The following LSAMP variants were observed in gnomAD, a reference collection of about 807,000 sequenced individuals.
LSAMP encodes the protein limbic system associated membrane protein.
Under a neutral mutation model 38.6 loss-of-function variants are expected in LSAMP, and 7 were observed. The ratio of observed to expected loss-of-function variants is 0.18; its 90% CI spans 0.10 to 0.34. The LOEUF is 0.34. Ranked by LOEUF, LSAMP falls within the 10% of genes least tolerant of loss-of-function variation. LSAMP has a pLI of 1.00. For synonymous variants in LSAMP, 154 were observed against 166.8 expected (o/e 0.92, Z 0.59); for missense variants, 313 against 420.0 (o/e 0.75, Z 2.23).
At chr3:116,401,739 T>C (rs1450857752) in intron 1 of LSAMP, among the ~76,000 whole-genome samples, 1 of 152,244 alleles carries the variant, frequency 6.6e-6, no homozygotes, top group African/African-American at 2.4e-5. Context: ...ATTAGTTCAC[T>C]ATTCATAGAG....
Position 116,354,839 on chromosome 3 carries a change from GTA to G in LSAMP, c.155+90036_155+90037del, listed in dbSNP as rs556504806. ...AAGCTCTCTGTCTCTCTCTCTGGGTGTATATATGTGTGTGTGTGTGTGTGTGT... is the reference window on the plus strand; with the variant it reads ...AAGCTCTCTGTCTCTCTCTCTGGGTGTATATGTGTGTGTGTGTGTGTGTGT... On this transcript the variant is annotated intron_variant, in intron 1 of 6. Transcript: ENST00000490035. 1.2e-3 allele frequency among the ~76,000 whole-genome samples: 136 copies of G among 115,006 alleles called. 3 individuals carry two copies. In the South Asian group the frequency reaches 0.043, roughly 36 times the overall value. The allele number at this position is 115,006 out of a possible 152,430, so 75.4% of individuals were successfully genotyped here.
intron 4 of LSAMP, among the ~76,000 whole-genome samples, chr3:115,845,185 C>T (rs1185661690): frequency 6.6e-6 from 1 of 152,134 alleles, no homozygotes; most frequent in African/African-American, 2.4e-5. Flanking sequence ...AGTAAGACGA[C>T]CAGCAGTAGA....
At chr3:116,234,681 A>G (rs2046444131) in intron 1 of LSAMP, among the ~76,000 whole-genome samples, 1 of 152,156 alleles carries the variant, frequency 6.6e-6, no homozygotes, top group Admixed American at 6.5e-5. Flanking sequence ...CCTCTAAAAA[A>G]TGAAATGCAT....
intron 1 of LSAMP, among the ~76,000 whole-genome samples, chr3:116,320,074 C>T (rs1287795591): frequency 3.3e-5 from 5 of 152,078 alleles, no homozygotes. Context: ...GGTAAATGTA[C>T]AAGAAAACTG....
intron 1 of LSAMP, among the ~76,000 whole-genome samples, chr3:116,309,105 G>A (rs2047522999): frequency 6.6e-6 from 1 of 152,056 alleles, no homozygotes; most frequent in Non-Finnish European, 1.5e-5. Context: ...AAATGGGAAT[G>A]TGATTCACAT....
intron 1 of LSAMP, among the ~76,000 whole-genome samples, chr3:116,397,166 C>G (rs1321734240): frequency 1.3e-5 from 2 of 152,130 alleles, no homozygotes; most frequent in Admixed American, 1.3e-4. Flanking sequence ...GTGTTAAAGT[C>G]CTAACAGTAA....
At chr3:116,423,300 C>T (rs1210117070) in intron 1 of LSAMP, among the ~76,000 whole-genome samples, 1 of 152,300 alleles carries the variant, frequency 6.6e-6, no homozygotes, top group Non-Finnish European at 1.5e-5. Context: ...GATCAGGCAT[C>T]TGAGACTTTT....
chr3:116,331,023 A>T (rs1021014617), intron 1 of LSAMP, among the ~76,000 whole-genome samples: 1 of 152,138 alleles, frequency 6.6e-6, no homozygotes, highest in African/African-American at 2.4e-5. Flanking sequence ...GAGAAAGTTA[A>T]AAAAATATGT....
At chr3:115,895,598 T>C (rs1215158670) in intron 3 of LSAMP, among the ~76,000 whole-genome samples, 1 of 152,056 alleles carries the variant, frequency 6.6e-6, no homozygotes, top group East Asian at 1.9e-4. Flanking sequence ...AAATATTTCT[T>C]TGAACGGATC....
At position 116,425,721 on chromosome 3, in the gene LSAMP, T is replaced by C. The variant is rs1176731906; in HGVS notation, c.155+19156A>G. Reference sequence around the variant, plus strand: ...TCAGCAAACATAAGCACAAAATTGATACTGCCTATAAGTCCATAAATAATA... The same window carrying C: ...TCAGCAAACATAAGCACAAAATTGACACTGCCTATAAGTCCATAAATAATA... On this transcript the variant is annotated intron_variant, in intron 1 of 6. Transcript: ENST00000490035. Among the ~76,000 whole-genome samples the C allele has an allele frequency of 3.3e-5, 5 of 152,064 alleles. No homozygotes were observed. The East Asian group carries it at 5.8e-4, about 18-fold the overall frequency.
intron 4 of LSAMP, among the ~76,000 whole-genome samples, chr3:115,846,782 G>C (rs141262271): frequency 1.3e-5 from 2 of 152,286 alleles, no homozygotes; most frequent in East Asian, 1.9e-4. Context: ...AGGGGAGGGA[G>C]CATGCTGGTA....
At chr3:116,002,057 T>C (rs1273378794) in intron 3 of LSAMP, among the ~76,000 whole-genome samples, 14 of 152,186 alleles carry the variant, frequency 9.2e-5, no homozygotes, top group Non-Finnish European at 1.9e-4. Context: ...ATATCATCTT[T>C]CTATAGATGA....
chr3:116,149,808 A>G (rs1443051974), intron 1 of LSAMP, among the ~76,000 whole-genome samples: 1 of 151,940 alleles, frequency 6.6e-6, no homozygotes, highest in East Asian at 1.9e-4. Flanking sequence ...TCTTTCATAA[A>G]AGGCTCTATG....
intron 1 of LSAMP, among the ~76,000 whole-genome samples, chr3:116,215,273 G>C (rs1239076711): frequency 1.3e-5 from 2 of 152,154 alleles, no homozygotes; most frequent in Non-Finnish European, 2.9e-5. Flanking sequence ...TGAAATCTTA[G>C]CTGGTCTTTG....
At chr3:116,204,359 C>G (rs2046033795) in intron 1 of LSAMP, among the ~76,000 whole-genome samples, 1 of 152,072 alleles carries the variant, frequency 6.6e-6, no homozygotes, top group South Asian at 2.1e-4. Context: ...GTTGCCTGTT[C>G]ACTCTGATGG....
At chr3:116,111,637 C>T (rs921114580) in intron 1 of LSAMP, among the ~76,000 whole-genome samples, 2 of 152,106 alleles carry the variant, frequency 1.3e-5, no homozygotes, top group Non-Finnish European at 2.9e-5. Context: ...TTTTAACACT[C>T]ATTTTTTGCC....
intron 1 of LSAMP, among the ~76,000 whole-genome samples, chr3:116,426,887 C>T (rs1444279490): frequency 2.2e-5 from 2 of 91,106 alleles, no homozygotes; most frequent in African/African-American, 7.8e-5. Flanking sequence ...TAATACTAAT[C>T]TGCCTCAAGG....
intron 1 of LSAMP, among the ~76,000 whole-genome samples, chr3:116,400,378 TTC>T (rs2048822621): frequency 6.6e-6 from 1 of 151,934 alleles, no homozygotes; most frequent in Non-Finnish European, 1.5e-5. Flanking sequence ...TTCCTTTTTT[TTC>T]TCTCTTTGTC....
chr3:116,323,425 A>G (rs183946321), intron 1 of LSAMP, among the ~76,000 whole-genome samples: 2 of 152,096 alleles, frequency 1.3e-5, no homozygotes, highest in Non-Finnish European at 2.9e-5. Flanking sequence ...TAACTAAACC[A>G]TTTTGTGGTA....
Sources: gnomAD v4.1 joint callset for allele counts (sites outside exome capture counted in the v4.1 genomes callset) on GRCh38, gnomAD v4.1.1 for gene constraint, MANE v1.5 for transcripts, NCBI Gene and HGNC (gene_info 2026-07-23, HGNC 2026-07-21) for gene names.